Variants in RANBP3 observed in about 807,000 individuals in gnomAD.
RANBP3 encodes the protein ran-binding protein 3.
A neutral mutation model predicts 77.3 loss-of-function variants in RANBP3; 14 were observed. The ratio of observed to expected loss-of-function variants is 0.18; its 90% CI spans 0.12 to 0.28. The LOEUF is 0.28. Ranked by LOEUF, RANBP3 falls within the 10% of genes least tolerant of loss-of-function variation. The probability of loss-of-function intolerance (pLI) is 1.00; values close to 1 mark genes in which losing one functional copy is unlikely to be tolerated. For missense variants in RANBP3, 586 were observed against 752.3 expected, an observed-to-expected ratio of 0.78 and a Z score of 2.59; for synonymous variants, 315 against 312.4, an observed-to-expected ratio of 1.01 and a Z score of -0.09.
rs1223040002 is a variant in RANBP3, at chr19:5,952,364, G to A, written c.79-768C>T. Among the ~76,000 whole-genome samples, 2 of 152,166 alleles carry A rather than the reference G, an allele frequency of 1.3e-5. No homozygotes were observed. Among genetic ancestry groups the A allele is most frequent in the East Asian group, 1.9e-4 (1 of 5,200 alleles). On this transcript the variant is annotated intron_variant, in intron 2 of 16. Transcript: ENST00000340578. This position sits in a 1 kb window ranked among gnomAD's most constrained non-coding sequence, Gnocchi z 4.1. ...CATTTGGAAAGCTGCCAAGGTGAGA[G>A]CAGCCGGTTCCAGAAGTCTTCCTCC...
chr19:5,951,316 G>C, intron 3 of RANBP3, 77 bp downstream of exon 3: 1 of 1,335,194 alleles, frequency 7.5e-7, no homozygotes, highest in Non-Finnish European at 1.1e-6. Context: ...CAGGATCTGA[G>C]GGACCCGAAG....
intron 9 of RANBP3, among the ~76,000 whole-genome samples, chr19:5,927,421 C>T (rs2057926826): frequency 6.6e-6 from 1 of 152,202 alleles, no homozygotes; most frequent in Admixed American, 6.5e-5. Context: ...GGCGATTCTA[C>T]TCCACAGGGA....
At chr19:5,960,563 C>T (rs1270281644) in intron 1 of RANBP3, among the ~76,000 whole-genome samples, 1 of 152,284 alleles carries the variant, frequency 6.6e-6, no homozygotes, top group East Asian at 1.9e-4. Context: ...GTACTTGGCA[C>T]ACTTTATGGA....
intron 1 of RANBP3, among the ~76,000 whole-genome samples, chr19:5,964,486 C>T (rs1194633829): frequency 2.6e-5 from 4 of 152,162 alleles, no homozygotes; most frequent in South Asian, 2.1e-4. Context: ...CTAAGCACTG[C>T]GTCGGCCTCT....
rs374206255 is a variant in RANBP3 at position 5,917,622 on chromosome 19, G to C, written c.1692C>G (p.Thr564=). The C allele has an allele frequency of 1.2e-6, 2 of 1,604,720 alleles. No homozygotes were observed. The highest frequency in any genetic ancestry group is 2.7e-5 in the African/African-American group (2 of 74,846). ...GAGDEGDGQT[T]GST is the part of the protein sequence containing the mutation. The stretch of plus-strand genomic sequence containing the variant: ...GGGCTCCCGGCCGCTATGTGCTCCC[G>C]GTCGTCTGCCCGTCCCCTTCGTCAC... Residue 564 remains threonine (T), a synonymous_variant, in exon 17 of 17, where the codon ACC becomes ACG. Transcript: ENST00000340578.
chr19:5,962,615 C>A, intron 1 of RANBP3: 1 of 455,150 alleles, frequency 2.2e-6, no homozygotes, highest in South Asian at 1.6e-5. Flanking sequence ...TGGCCCATCT[C>A]GGCCCATTGG....
At chr19:5,936,156 G>C (rs2058061620) in intron 5 of RANBP3, among the ~76,000 whole-genome samples, 1 of 152,244 alleles carries the variant, frequency 6.6e-6, no homozygotes, top group African/African-American at 2.4e-5. Flanking sequence ...CAAATGCTGA[G>C]AAGGCAGCCT....
chr19:5,923,094 G>T, intron 13 of RANBP3, 100 bp downstream of exon 13: 1 of 945,100 alleles, frequency 1.1e-6, no homozygotes, highest in Non-Finnish European at 1.7e-6. Context: ...TCATCTCAGG[G>T]GCAGGCCTGT....
chr19:5,932,597 G>GGCGC, intron 6 of RANBP3, 53 bp from the exon 7 acceptor site: 1 of 1,486,810 alleles, frequency 6.7e-7, no homozygotes, highest in South Asian at 1.1e-5. Flanking sequence ...CCTGCCCCCA[G>GGCGC]GCGCTTCAGA....
intron 7 of RANBP3, among the ~76,000 whole-genome samples, chr19:5,931,935 T>G (rs1280722440): frequency 2.6e-5 from 4 of 152,070 alleles, no homozygotes; most frequent in African/African-American, 9.7e-5. Flanking sequence ...CTTGGGAGGC[T>G]GAGGTGGGAG....
intron 1 of RANBP3, among the ~76,000 whole-genome samples, chr19:5,968,405 C>T (rs779318588): frequency 1.3e-5 from 2 of 152,180 alleles, no homozygotes; most frequent in African/African-American, 2.4e-5. Flanking sequence ...TTATTTCACC[C>T]CAGGCAGCTT....
Position 5,962,836 on chromosome 19 carries a change from C to T in RANBP3, c.23-4863G>A, listed in dbSNP as rs866174886. 7 of 439,158 alleles carry T rather than the reference C, an allele frequency of 1.6e-5. 1 individual carries two copies. The Middle Eastern group carries it at 1.3e-3, about 85-fold the overall frequency. The allele number at this position is 439,158 out of a possible 1,614,324, so 27.2% of individuals were successfully genotyped here. ...CAAGCCCCATTCCAGGCAGGACCGC[C>T]CCACTGCCCCCGACCACCAGACACA... On this transcript the variant is annotated intron_variant, in intron 1 of 16. Transcript: ENST00000340578.
At chr19:5,968,382 C>T (rs1038736735) in intron 1 of RANBP3, among the ~76,000 whole-genome samples, 6 of 152,172 alleles carry the variant, frequency 3.9e-5, no homozygotes, top group East Asian at 1.9e-4. Context: ...TCTTCATTTG[C>T]ATATCAGGGC....
At position 5,917,471 on chromosome 19, in the gene RANBP3, C is replaced by T. The variant is rs747155100; in HGVS notation, c.*139G>A. 8.8e-5 allele frequency: 82 copies of T among 936,698 alleles called. No homozygotes were observed. The highest frequency in any genetic ancestry group is 5.7e-4 in the African/African-American group (34 of 59,676). The allele number at this position is 936,698 out of a possible 1,614,324, so 58.0% of individuals were successfully genotyped here. A position where few individuals can be genotyped will look rare whatever the true frequency, so the allele number is the denominator to read the frequency against. Reference sequence around the variant, plus strand: ...CGAGTCTGCTTTTGAACAGGACGTGCGGGTCCAGACTGTGGCCGGCCCAGT... The same window carrying T: ...CGAGTCTGCTTTTGAACAGGACGTGTGGGTCCAGACTGTGGCCGGCCCAGT... On this transcript the variant is annotated 3_prime_UTR_variant, in exon 17 of 17. Coordinates refer to ENST00000340578, the MANE Select transcript of RANBP3 (RefSeq NM_007322.3).
intron 9 of RANBP3, 53 bp from the exon 10 acceptor site, chr19:5,925,790 T>G: frequency 7.0e-6 from 10 of 1,422,874 alleles, no homozygotes; most frequent in Non-Finnish European, 8.9e-6. Context: ...TGCCTGGAGT[T>G]CCACAGCTCA....
At chr19:5,927,832 C>A (rs1451548904) in intron 9 of RANBP3, 136 bp downstream of exon 9, 3 of 1,156,700 alleles carry the variant, frequency 2.6e-6, no homozygotes, top group East Asian at 5.2e-5. Flanking sequence ...GTGCCGTGAG[C>A]CATGGGGCTG....
At chr19:5,974,536 T>G (rs1164288562) in intron 1 of RANBP3, 4 of 152,116 alleles carry the variant, frequency 2.6e-5, no homozygotes, top group African/African-American at 9.7e-5. Context: ...ACACACTGTC[T>G]GAGAGGAAAA....
intron 10 of RANBP3, 41 bp downstream of exon 10, chr19:5,925,593 C>T: frequency 1.3e-6 from 2 of 1,572,698 alleles, no homozygotes; most frequent in Non-Finnish European, 1.7e-6. Context: ...CGGCCACCTG[C>T]ATCGCCATGC....
intron 5 of RANBP3, chr19:5,933,903 G>A (rs967050710): frequency 6.3e-6 from 1 of 159,826 alleles, no homozygotes; most frequent in African/African-American, 2.4e-5. Context: ...CTGTGGCCAG[G>A]AAGAACCTTG....
Sources: gnomAD v4.1 joint callset for allele counts (sites outside exome capture counted in the v4.1 genomes callset) on GRCh38, gnomAD v4.1.1 for gene constraint, Gnocchi (gnomAD v3.1) non-coding constraint, MANE v1.5 for transcripts, NCBI Gene and HGNC (gene_info 2026-07-23, HGNC 2026-07-21) for gene names.